SAMMSON: variants seen among roughly 807,000 people sequenced by gnomAD.
SAMMSON encodes the protein long intergenic non-protein coding RNA 1212.
At chr3:70,104,434 A>G (rs2067358927) in intron 4 of SAMMSON, among the ~76,000 whole-genome samples, 1 of 152,074 alleles carries the variant, frequency 6.6e-6, no homozygotes, top group Admixed American at 6.6e-5. Flanking sequence ...CAAGCAGTAG[A>G]TATTCAATTA....
At chr3:70,399,635 G>A (rs1177617767) in intron 2 of SAMMSON, among the ~76,000 whole-genome samples, 1 of 152,096 alleles carries the variant, frequency 6.6e-6, no homozygotes, top group East Asian at 1.9e-4. Context: ...GGAGGCCAAG[G>A]CAGTTGGATC....
chr3:70,285,557 C>A (rs887807417), intron 6 of SAMMSON, among the ~76,000 whole-genome samples: 1 of 151,776 alleles, frequency 6.6e-6, no homozygotes, highest in Non-Finnish European at 1.5e-5. Flanking sequence ...ATTTATAGTC[C>A]TTTGGGTATA....
At chr3:70,119,287 G>A (rs1169027935) in intron 4 of SAMMSON, among the ~76,000 whole-genome samples, 2 of 152,010 alleles carry the variant, frequency 1.3e-5, no homozygotes, top group African/African-American at 4.8e-5. Context: ...GGCTGCTCTC[G>A]AACTCCTGAC....
chr3:70,090,409 C>G (rs1025432707), intron 4 of SAMMSON, among the ~76,000 whole-genome samples: 2 of 152,098 alleles, frequency 1.3e-5, no homozygotes, highest in Non-Finnish European at 1.5e-5. Context: ...AACTGTATCT[C>G]AAGACAGAAT....
chr3:70,123,875 T>C (rs2067444986), intron 4 of SAMMSON, among the ~76,000 whole-genome samples: 1 of 152,234 alleles, frequency 6.6e-6, no homozygotes. Context: ...AGAATCATTT[T>C]AAGGTATCAG....
At chr3:70,169,117 A>C (rs1446272040) in intron 4 of SAMMSON, among the ~76,000 whole-genome samples, 1 of 152,038 alleles carries the variant, frequency 6.6e-6, no homozygotes, top group Non-Finnish European at 1.5e-5. Context: ...GTGGTTTTGC[A>C]CACATGTGTT....
chr3:70,065,744 G>A (rs566781525), intron 3 of SAMMSON, among the ~76,000 whole-genome samples: 2 of 152,112 alleles, frequency 1.3e-5, no homozygotes, highest in African/African-American at 4.8e-5. Flanking sequence ...ACAATGCACA[G>A]CACAGCCACC....
intron 4 of SAMMSON, among the ~76,000 whole-genome samples, chr3:70,075,826 C>T (rs910090625): frequency 2.0e-5 from 3 of 151,074 alleles, no homozygotes; most frequent in African/African-American, 7.3e-5. Context: ...TTCATATAAG[C>T]CTAGAGTTTT....
chr3:70,169,301 G>T (rs1287227661), intron 4 of SAMMSON, among the ~76,000 whole-genome samples: 1 of 152,022 alleles, frequency 6.6e-6, no homozygotes, highest in Admixed American at 6.6e-5. Flanking sequence ...TGAAGTCATT[G>T]AGTGAAGGCT....
At chr3:70,151,726 T>C (rs2067572558) in intron 4 of SAMMSON, among the ~76,000 whole-genome samples, 1 of 152,052 alleles carries the variant, frequency 6.6e-6, no homozygotes, top group African/African-American at 2.4e-5. Flanking sequence ...AATGCCGTCA[T>C]CTCATCATGT....
intron 4 of SAMMSON, among the ~76,000 whole-genome samples, chr3:70,113,600 A>T (rs1011926677): frequency 2.0e-5 from 3 of 152,202 alleles, no homozygotes; most frequent in African/African-American, 7.2e-5. Flanking sequence ...ATGTAAAGGG[A>T]TGTGTACAAG....
chr3:70,002,106 C>G (rs1360157251), intron 1 of SAMMSON, among the ~76,000 whole-genome samples: 1 of 152,118 alleles, frequency 6.6e-6, no homozygotes, highest in East Asian at 1.9e-4. Context: ...TTTAACCACT[C>G]CCTTGTAAGT....
chr3:70,086,964 A>C lies in SAMMSON; in HGVS notation n.507+15399A>C, dbSNP rs138472507. Among the ~76,000 whole-genome samples the C allele has an allele frequency of 6.8e-3, 1,030 of 152,334 alleles. 6 individuals carry two copies. Among genetic ancestry groups the C allele is most frequent in the African/African-American group, 0.022 (898 of 41,576 alleles). On this transcript the variant is annotated intron_variant and non_coding_transcript_variant, in intron 4 of 9. Coordinates refer to ENST00000642114, the Ensembl canonical transcript of SAMMSON. ...AGTAAAGCTACTTGCCCAAGGTTGC[A>C]GAGCTCCTGGCTGAGCCCCAAATAC...
At chr3:70,163,338 A>G (rs2067623668) in intron 4 of SAMMSON, among the ~76,000 whole-genome samples, 1 of 134,290 alleles carries the variant, frequency 7.4e-6, no homozygotes, top group African/African-American at 2.8e-5. Flanking sequence ...ATCCATCTAT[A>G]TAGAATATAT....
chr3:70,346,304 G>T (rs1702750086), intron 7 of SAMMSON, among the ~76,000 whole-genome samples: 1 of 126,978 alleles, frequency 7.9e-6, no homozygotes, highest in Non-Finnish European at 1.6e-5. Context: ...CAGATCTTTT[G>T]CTCATTGTTT....
chr3:70,247,747 A>G (rs1273762831), intron 4 of SAMMSON, among the ~76,000 whole-genome samples: 1 of 151,952 alleles, frequency 6.6e-6, no homozygotes, highest in Non-Finnish European at 1.5e-5. Context: ...AGCAAGTGGG[A>G]CCAAGGTAAA....
intron 4 of SAMMSON, among the ~76,000 whole-genome samples, chr3:70,132,109 C>T (rs1445181916): frequency 6.6e-6 from 1 of 152,200 alleles, no homozygotes; most frequent in East Asian, 1.9e-4. Context: ...CACTAAACAC[C>T]GTTAGGCTTT....
At chr3:70,010,739 C>A (rs991367276) in intron 1 of SAMMSON, among the ~76,000 whole-genome samples, 1 of 152,060 alleles carries the variant, frequency 6.6e-6, no homozygotes, top group Non-Finnish European at 1.5e-5. Context: ...AGGAAAGAGG[C>A]TTAATTGACT....
At chr3:70,265,960 C>T (rs1359165419) in intron 6 of SAMMSON, among the ~76,000 whole-genome samples, 2 of 152,208 alleles carry the variant, frequency 1.3e-5, no homozygotes, top group Middle Eastern at 3.4e-3. Flanking sequence ...CCCCTTGACA[C>T]GTGTAAATTA....
Sources: allele counts gnomAD v4.1 joint callset (sites outside exome capture counted in the v4.1 genomes callset), GRCh38; gene constraint gnomAD v4.1.1; transcripts MANE v1.5; gene names NCBI Gene and HGNC (gene_info 2026-07-23, HGNC 2026-07-21).